DOCK5: variants seen among roughly 807,000 people sequenced by gnomAD.
DOCK5 encodes dedicator of cytokinesis 5, also known as dedicator of cytokinesis protein 5.
Under a neutral mutation model 251.8 loss-of-function variants are expected in DOCK5, and 142 were observed. The ratio of observed to expected loss-of-function variants is 0.56; its 90% CI spans 0.49 to 0.65. The LOEUF is 0.65. Among genes scored for constraint, DOCK5 ranks in the 30% least tolerant of loss-of-function variants. The pLI is 0.00. For missense variants in DOCK5, 2,111 were observed against 2,312.3 expected, an observed-to-expected ratio of 0.91 and a Z score of 1.79; for synonymous variants, 842 against 835.5, an observed-to-expected ratio of 1.01 and a Z score of -0.13.
intron 18 of DOCK5, among the ~76,000 whole-genome samples, chr8:25,330,551 A>G (rs1298464141): frequency 1.3e-5 from 2 of 152,170 alleles, no homozygotes; most frequent in Non-Finnish European, 2.9e-5. Context: ...GCTAAAGGGT[A>G]AAAGAGAATG....
intron 45 of DOCK5, among the ~76,000 whole-genome samples, chr8:25,398,017 T>C (rs1406418902): frequency 1.6e-5 from 2 of 122,994 alleles, no homozygotes; most frequent in East Asian, 4.2e-4. Flanking sequence ...TATGTAATGG[T>C]AATAGGTAGT....
At chr8:25,392,354 A>AC (rs1003714606) in intron 43 of DOCK5, among the ~76,000 whole-genome samples, 1 of 150,876 alleles carries the variant, frequency 6.6e-6, no homozygotes, top group Non-Finnish European at 1.5e-5. Context: ...GAGATCTTCC[A>AC]CCTACCTAAC....
chr8:25,336,784 C>G (rs1254871549), intron 22 of DOCK5, among the ~76,000 whole-genome samples: 1 of 152,150 alleles, frequency 6.6e-6, no homozygotes, highest in Non-Finnish European at 1.5e-5. Flanking sequence ...ACCTGGGCAA[C>G]TAAGCACTAG....
intron 2 of DOCK5, among the ~76,000 whole-genome samples, chr8:25,246,703 T>TG (rs1803121199): frequency 2.5e-5 from 3 of 120,432 alleles, no homozygotes; most frequent in Admixed American, 8.6e-5. Flanking sequence ...GCCATGTTAG[T>TG]TTGTGTGTGT....
At chr8:25,283,781 G>T (rs1009873441) in intron 5 of DOCK5, among the ~76,000 whole-genome samples, 11 of 152,178 alleles carry the variant, frequency 7.2e-5, no homozygotes, top group African/African-American at 2.7e-4. Flanking sequence ...GAACCTGCTT[G>T]GTTTAAATTC....
At chr8:25,316,384 G>A (rs1805251782) in intron 13 of DOCK5, among the ~76,000 whole-genome samples, 1 of 152,140 alleles carries the variant, frequency 6.6e-6, no homozygotes, top group Non-Finnish European at 1.5e-5. Flanking sequence ...GGGAGGCTGA[G>A]GTGAGAGAAT....
At chr8:25,246,704 TTGTGTGTGTGTGTGTGTGTGTGTGTGTG>T (rs55963570) in intron 2 of DOCK5, among the ~76,000 whole-genome samples, 4 of 89,606 alleles carry the variant, frequency 4.5e-5, no homozygotes, top group East Asian at 3.5e-4. Context: ...CCATGTTAGT[TTGTGTGTGTGTGTGTGTGTGTGTGTGTG>T]TGTGTGTGTG....
rs1003646030 is a variant in DOCK5 at position 25,376,240 on chromosome 8, G to A, written c.3817-1065G>A. The A allele has an allele frequency of 4.4e-5, 43 of 985,246 alleles. No homozygotes were observed. In the African/African-American group the frequency reaches 7.2e-4, roughly 16 times the overall value. The allele number at this position is 985,246 out of a possible 1,614,324, so 61.0% of individuals were successfully genotyped here. Reference sequence around the variant, plus strand: ...AGGTCTTTTCATTTGGGAAACTCAGGAAGGTAAACTCTCCTATCCTGGTGT... The same window carrying A: ...AGGTCTTTTCATTTGGGAAACTCAGAAAGGTAAACTCTCCTATCCTGGTGT... On this transcript the variant is annotated intron_variant, in intron 37 of 51. Transcript: ENST00000276440.
At chr8:25,228,946 G>C (rs1431565378) in intron 1 of DOCK5, among the ~76,000 whole-genome samples, 2 of 151,504 alleles carry the variant, frequency 1.3e-5, no homozygotes, top group African/African-American at 4.9e-5. Flanking sequence ...AAAAAAATTT[G>C]TGGGCTGGGC....
chr8:25,306,567 G>A (rs28400344), intron 11 of DOCK5, among the ~76,000 whole-genome samples: 7,697 of 151,588 alleles, frequency 0.051, 333 homozygotes, highest in East Asian at 0.23. Context: ...AGTGGCGGGC[G>A]CCTGTAGTCC....
Position 25,345,622 on chromosome 8 carries a change from T to C in DOCK5, c.2754+11T>C. 6.2e-7 allele frequency: 1 copy of C among 1,613,346 alleles called. No homozygotes were observed. Among genetic ancestry groups the C allele is most frequent in the South Asian group, 1.1e-5 (1 of 91,068 alleles). Reference sequence around the variant, plus strand: ...GACAGGAAGGATGTGGTGAGTTGAGTCATCACTGATGCTGCACAGAGTTCA... The same window carrying C: ...GACAGGAAGGATGTGGTGAGTTGAGCCATCACTGATGCTGCACAGAGTTCA... On this transcript the variant is annotated intron_variant, in intron 26 of 51. Coordinates refer to ENST00000276440, the MANE Select transcript of DOCK5 (RefSeq NM_024940.8).
At chr8:25,407,899 T>A in intron 48 of DOCK5, 84 bp from the exon 49 acceptor site, 2 of 1,248,450 alleles carry the variant, frequency 1.6e-6, no homozygotes, top group Non-Finnish European at 2.2e-6. Flanking sequence ...GCCTAAAGAG[T>A]CATAACTGCT....
intron 27 of DOCK5, among the ~76,000 whole-genome samples, chr8:25,358,720 T>C (rs1800622252): frequency 6.6e-6 from 1 of 152,228 alleles, no homozygotes; most frequent in African/African-American, 2.4e-5. Flanking sequence ...GTCCTGTCTA[T>C]AGGATTCCAC....
chr8:25,277,133 C>T (rs1008875517), intron 4 of DOCK5: 2 of 154,192 alleles, frequency 1.3e-5, no homozygotes, highest in Non-Finnish European at 2.9e-5. Context: ...TAAGCCTCTT[C>T]ACAAAGCAAA....
intron 7 of DOCK5, among the ~76,000 whole-genome samples, chr8:25,297,847 G>A (rs1003098104): frequency 1.3e-5 from 2 of 152,002 alleles, no homozygotes; most frequent in Non-Finnish European, 2.9e-5. Flanking sequence ...AGGAGTTCAA[G>A]ACCAACTGGG....
chr8:25,284,134 A>G (rs1368644249), intron 5 of DOCK5, among the ~76,000 whole-genome samples: 1 of 152,234 alleles, frequency 6.6e-6, no homozygotes, highest in Non-Finnish European at 1.5e-5. Context: ...CTACTAGCTG[A>G]TCCTGCTGCC....
chr8:25,372,097 G>A (rs11777314), intron 34 of DOCK5, among the ~76,000 whole-genome samples: 70,249 of 152,072 alleles, frequency 0.46, 16,467 homozygotes, highest in Middle Eastern at 0.54. Flanking sequence ...ATCCATACGA[G>A]GCATTCCAGA....
At position 25,308,676 on chromosome 8, in the gene DOCK5, G is replaced by A. The variant is rs1443961968; in HGVS notation, c.1050-107G>A. On this transcript the variant is annotated intron_variant, in intron 11 of 51. Coordinates refer to ENST00000276440, the MANE Select transcript of DOCK5 (RefSeq NM_024940.8). ...AGATAGAAAGATAGGGGTACTTAGT[G>A]TTGATATCTCCAAATTATTCCTATA... The A allele has an allele frequency of 6.5e-6, 8 of 1,228,648 alleles. 1 individual carries two copies. In the East Asian group the frequency reaches 7.3e-5, roughly 11 times the overall value. 76.1% of individuals were successfully genotyped at this position (1,228,648 alleles called of 1,614,324 possible). A position where few individuals can be genotyped will look rare whatever the true frequency, so the allele number is the denominator to read the frequency against.
In DOCK5 at chr8:25,220,067, C is replaced by T. The variant is rs999252176; in HGVS notation, c.44-23607C>T. Among the ~76,000 whole-genome samples, 6 of 151,544 alleles carry T rather than the reference C, an allele frequency of 4.0e-5. No individual in the cohort carries two copies. The East Asian group carries it at 1.2e-3, about 29-fold the overall frequency. ...TCACAGACATGATATTTCATCTTCTCTGCAGGTATCAATGATCGCTTTGAT... is the reference window on the plus strand; with the variant it reads ...TCACAGACATGATATTTCATCTTCTTTGCAGGTATCAATGATCGCTTTGAT... On this transcript the variant is annotated intron_variant, in intron 1 of 51. Coordinates refer to ENST00000276440, the MANE Select transcript of DOCK5 (RefSeq NM_024940.8).
Sources: allele counts gnomAD v4.1 joint callset (sites outside exome capture counted in the v4.1 genomes callset), GRCh38; gene constraint gnomAD v4.1.1; transcripts MANE v1.5; gene names NCBI Gene and HGNC (gene_info 2026-07-23, HGNC 2026-07-21).